The following PRKCA variants were observed in gnomAD, a reference collection of about 807,000 sequenced individuals.
PRKCA encodes the protein protein kinase C alpha type.
In PRKCA, 27 loss-of-function variants were observed where a neutral mutation model predicts 87.0. The ratio of observed to expected loss-of-function variants is 0.31; its 90% CI spans 0.23 to 0.43. The LOEUF is 0.43. Ranked by LOEUF, PRKCA falls within the 20% of genes least tolerant of loss-of-function variation. The pLI is 1.00. For synonymous variants in PRKCA, 329 were observed against 311.1 expected (o/e 1.06, Z -0.61); for missense variants, 518 against 852.3 (o/e 0.61, Z 4.88).
At chr17:66,505,891 G>C (rs1020890254) in intron 3 of PRKCA, among the ~76,000 whole-genome samples, 3 of 152,146 alleles carry the variant, frequency 2.0e-5, no homozygotes, top group Non-Finnish European at 4.4e-5. Flanking sequence ...GGTGAGACTT[G>C]CTATGTTGCC....
intron 3 of PRKCA, among the ~76,000 whole-genome samples, chr17:66,609,421 C>A (rs369555677): frequency 4.6e-5 from 7 of 152,100 alleles, no homozygotes; most frequent in Non-Finnish European, 8.8e-5. Context: ...TTGAGCAAAC[C>A]GGAGAGACCA....
intron 2 of PRKCA, among the ~76,000 whole-genome samples, chr17:66,325,466 A>C (rs927776511): frequency 6.6e-6 from 1 of 152,206 alleles, no homozygotes; most frequent in African/African-American, 2.4e-5. Flanking sequence ...CTTTAAAAAA[A>C]AATCTGGACA....
intron 2 of PRKCA, among the ~76,000 whole-genome samples, chr17:66,396,055 T>TG (rs1430084016): frequency 3.9e-5 from 2 of 50,944 alleles, no homozygotes; most frequent in African/African-American, 9.1e-5. Context: ...TGGGTTTAAC[T>TG]GTTTTTTTTT....
chr17:66,390,951 G>A (rs6504423), intron 2 of PRKCA, among the ~76,000 whole-genome samples: 120,432 of 152,072 alleles, frequency 0.79, 48,183 homozygotes, highest in South Asian at 0.87. Context: ...ACCCCAAAGA[G>A]CTGCTGAGAA....
In PRKCA at chr17:66,587,858, T is replaced by C. The variant is rs1421796455; in HGVS notation, c.289-53497T>C. 3.4e-5 allele frequency among the ~76,000 whole-genome samples: 4 copies of C among 116,486 alleles called. 1 individual carries two copies. The highest frequency in any genetic ancestry group is 6.5e-5 in the African/African-American group (2 of 30,654). 76.4% of individuals were successfully genotyped at this position (116,486 alleles called of 152,430 possible). ...ATATGTGTGTATCTACATATACATA[T>C]ATACATATGTATGTGTGTGTGTGTG... is the stretch of plus-strand genomic sequence containing the variant. On this transcript the variant is annotated intron_variant, in intron 3 of 16. Coordinates refer to ENST00000413366, the MANE Select transcript of PRKCA (RefSeq NM_002737.3).
chr17:66,691,918 T>G (rs1046996314), intron 8 of PRKCA, among the ~76,000 whole-genome samples: 1 of 152,232 alleles, frequency 6.6e-6, no homozygotes, highest in Non-Finnish European at 1.5e-5. Context: ...GTGAGTAAAC[T>G]TCCTGTTTTT....
At chr17:66,506,180 C>T (rs559200541) in intron 3 of PRKCA, among the ~76,000 whole-genome samples, 14 of 152,022 alleles carry the variant, frequency 9.2e-5, no homozygotes, top group African/African-American at 2.7e-4. Context: ...CCTGTTCTCC[C>T]GGTTACTTGG....
intron 5 of PRKCA, among the ~76,000 whole-genome samples, chr17:66,655,161 C>T (rs77413583): frequency 0.065 from 9,838 of 152,282 alleles, 355 homozygotes; most frequent in East Asian, 0.15. Context: ...AGAAAGCCTG[C>T]ACATTATCCC....
chr17:66,794,978 CA>C (rs1975633544), intron 16 of PRKCA, among the ~76,000 whole-genome samples: 1 of 152,254 alleles, frequency 6.6e-6, no homozygotes, highest in Admixed American at 6.5e-5. Flanking sequence ...TAGGTTGGAG[CA>C]AAAGTAATTG....
intron 2 of PRKCA, among the ~76,000 whole-genome samples, chr17:66,336,176 A>G (rs188837950): frequency 1.3e-5 from 2 of 152,314 alleles, no homozygotes; most frequent in Admixed American, 6.5e-5. Context: ...GAATTTGTCA[A>G]GTATCTACTA....
At chr17:66,572,391 C>T (rs932730565) in intron 3 of PRKCA, among the ~76,000 whole-genome samples, 7 of 151,964 alleles carry the variant, frequency 4.6e-5, no homozygotes, top group East Asian at 1.9e-4. Context: ...AGCTTGAACC[C>T]GGGAGCAAGA....
chr17:66,569,938 T>C (rs1567905095), intron 3 of PRKCA, among the ~76,000 whole-genome samples: 1 of 152,006 alleles, frequency 6.6e-6, no homozygotes, highest in Non-Finnish European at 1.5e-5. Context: ...ACCCCAAAAG[T>C]CATGCCCAAA....
chr17:66,581,694 C>T (rs1347103337), intron 3 of PRKCA, among the ~76,000 whole-genome samples: 2 of 152,120 alleles, frequency 1.3e-5, no homozygotes, highest in Non-Finnish European at 1.5e-5. Context: ...CCAGGATGGT[C>T]TCAATCTCCT....
intron 3 of PRKCA, among the ~76,000 whole-genome samples, chr17:66,632,489 C>T (rs965174480): frequency 6.6e-6 from 1 of 152,100 alleles, no homozygotes; most frequent in African/African-American, 2.4e-5. Context: ...AAGCAGTCCT[C>T]CCACCTCAGC....
chr17:66,614,820 G>A (rs532538656), intron 3 of PRKCA, among the ~76,000 whole-genome samples: 108 of 152,236 alleles, frequency 7.1e-4, no homozygotes, highest in African/African-American at 2.5e-3. Flanking sequence ...TACATGTGTC[G>A]TACCATCCCA....
intron 2 of PRKCA, among the ~76,000 whole-genome samples, chr17:66,418,035 G>A (rs1912259079): frequency 6.6e-6 from 1 of 152,188 alleles, no homozygotes; most frequent in Admixed American, 6.5e-5. Context: ...TGGGCAGTGA[G>A]GATCACTCAG....
At chr17:66,596,482 T>A (rs1969980781) in intron 3 of PRKCA, among the ~76,000 whole-genome samples, 1 of 151,896 alleles carries the variant, frequency 6.6e-6, no homozygotes, top group African/African-American at 2.4e-5. Context: ...GAGTGATCAG[T>A]ATCTTCTTCA....
Position 66,351,092 on chromosome 17 carries a change from A to T in PRKCA, c.205+44965A>T, listed in dbSNP as rs951133740. ...AAACTCTGAGTGGACAGGGTCTGTCATAATCACCCCAGTATTCCCCATCGT... is the reference window on the plus strand; with the variant it reads ...AAACTCTGAGTGGACAGGGTCTGTCTTAATCACCCCAGTATTCCCCATCGT... On this transcript the variant is annotated intron_variant, in intron 2 of 16. Transcript: ENST00000413366. 3.9e-5 allele frequency among the ~76,000 whole-genome samples: 6 copies of T among 152,252 alleles called. No homozygotes were observed. The South Asian group carries it at 6.2e-4, about 16-fold the overall frequency.
intron 3 of PRKCA, among the ~76,000 whole-genome samples, chr17:66,543,155 A>C (rs1968040970): frequency 6.6e-6 from 1 of 152,232 alleles, no homozygotes; most frequent in African/African-American, 2.4e-5. Flanking sequence ...ATAAATAATC[A>C]ACTTATTTTC....
Sources: allele counts gnomAD v4.1 joint callset (sites outside exome capture counted in the v4.1 genomes callset), GRCh38; gene constraint gnomAD v4.1.1; transcripts MANE v1.5; gene names NCBI Gene and HGNC (gene_info 2026-07-23, HGNC 2026-07-21).